SLF2: variants seen among roughly 807,000 people sequenced by gnomAD.
The protein encoded by SLF2 is SMC5-SMC6 complex localization factor protein 2.
SLF2 carries 68 observed loss-of-function variants against 124.3 expected under a neutral mutation model. The observed-to-expected ratio is 0.55, with a 90% CI of 0.45 to 0.67. SLF2 has a LOEUF of 0.67. Ranked by LOEUF, SLF2 falls within the 30% of genes least tolerant of loss-of-function variation. The pLI, the probability that SLF2 is intolerant of heterozygous loss-of-function variation, is 0.00. For synonymous variants in SLF2, 480 were observed against 478.8 expected, an observed-to-expected ratio of 1.00 and a Z score of -0.03; for missense variants, 1,246 against 1,373.7, an observed-to-expected ratio of 0.91 and a Z score of 1.47.
chr10:100,937,979 G>A (rs932389786), intron 10 of SLF2, among the ~76,000 whole-genome samples: 1 of 152,244 alleles, frequency 6.6e-6, no homozygotes, highest in Admixed American at 6.5e-5. Flanking sequence ...TACTTGCATT[G>A]AGAAAAAGAA....
rs1245644391 is a variant in SLF2 at position 100,945,406 on chromosome 10, T to C, written c.2834T>C (p.Phe945Ser). 6.2e-7 allele frequency: 1 copy of C among 1,603,580 alleles called. No homozygotes were observed. Among genetic ancestry groups the C allele is most frequent in the Non-Finnish European group, 8.5e-7 (1 of 1,177,766 alleles). ...REIMLLILMLFKMSLEKQLKQ... is the reference protein window; with the variant it reads ...REIMLLILMLSKMSLEKQLKQ... ...ATAATGTTGCTGATTTTAATGTTAT[T>C]TAAAATGAGTTTGGAAAAACAGCTG... The change falls in exon 13 of 20, where the codon TTT becomes TCT. Residue 945 changes from phenylalanine (F) to serine (S), a missense_variant. By Grantham distance (155) the Phe-to-Ser change is radical (BLOSUM62 -2). This residue lies in a region of SLF2 where 535 missense variants were observed against 632.8 expected (regional missense o/e 0.85). Transcript: ENST00000238961.
chr10:100,931,046 T>C lies in SLF2; in HGVS notation c.2404T>C (p.Cys802Arg). 6.2e-7 allele frequency: 1 copy of C among 1,614,018 alleles called. No homozygotes were observed. Residue 802 changes from cysteine to arginine, a missense_variant, in exon 9 of 20, where the codon TGT becomes CGT. By Grantham distance (180) the Cys-to-Arg change is radical. This residue lies in a region of SLF2 where 535 missense variants were observed against 632.8 expected (regional missense o/e 0.85). Coordinates refer to ENST00000238961, the MANE Select transcript of SLF2 (RefSeq NM_018121.4). ...TACGTCTGCTTATCACTATGTCCAG[T>C]GTCCTGTCCCTGTGTTAAAGTGGCT... ...FLTSAYHYVQCPVPVLKWLFR... is the reference protein window; with the variant it reads ...FLTSAYHYVQRPVPVLKWLFR...
chr10:100,924,486 T>C lies in SLF2; in HGVS notation c.1485T>C (p.Ala495=), dbSNP rs780041359. ...TACCATTAAATGCTAAAAATTGTGC[T>C]CTTCCAGTTTCTAAAAAAGATAAAG... ...SLVPLNAKNC[A]LPVSKKDKER... is the part of the protein sequence containing the mutation. Residue 495 remains alanine, a synonymous_variant, in exon 5 of 20, where the codon GCT becomes GCC. Transcript: ENST00000238961. The C allele has an allele frequency of 1.2e-6, 2 of 1,614,008 alleles. No homozygotes were observed. Among genetic ancestry groups the C allele is most frequent in the East Asian group, 4.5e-5 (2 of 44,896 alleles).
intron 15 of SLF2, among the ~76,000 whole-genome samples, chr10:100,948,949 T>C (rs111271579): frequency 1.1e-3 from 174 of 152,300 alleles, no homozygotes; most frequent in African/African-American, 3.5e-3. Flanking sequence ...TGCAATTTGG[T>C]ACAAGGTATG....
At position 100,924,937 on chromosome 10, in the gene SLF2, T is replaced by A. The variant is rs1849587294; in HGVS notation, c.1936T>A (p.Ser646Thr). 1 of 1,613,788 alleles carries A rather than the reference T, an allele frequency of 6.2e-7. No homozygotes were observed. Among genetic ancestry groups the A allele is most frequent in the African/African-American group, 1.3e-5 (1 of 74,930 alleles). ...AGCTACAGGAAAGCCTCCTGCTCTT[T>A]CCAAGGGGCTTAGATCTCAGTCATC... ...PAATGKPPALSKGLRSQSSDY... is the reference protein window; with the variant it reads ...PAATGKPPALTKGLRSQSSDY... Residue 646 changes from serine to threonine, a missense_variant, in exon 5 of 20, where the codon TCC (serine) becomes ACC (threonine). Physicochemically the swap from Ser to Thr is moderately conservative, Grantham distance 58. Coordinates refer to ENST00000238961, the MANE Select transcript of SLF2 (RefSeq NM_018121.4).
At chr10:100,937,049 C>T (rs1849877778) in intron 9 of SLF2, among the ~76,000 whole-genome samples, 1 of 151,914 alleles carries the variant, frequency 6.6e-6, no homozygotes, top group Admixed American at 6.6e-5. Context: ...ACATAAAATG[C>T]CTTTATTTTT....
In SLF2 at chr10:100,950,122, T is replaced by C; in HGVS notation, c.3167T>C (p.Leu1056Ser). The C allele has an allele frequency of 6.2e-7, 1 of 1,613,894 alleles. No homozygotes were observed. Among genetic ancestry groups the C allele is most frequent in the Non-Finnish European group, 8.5e-7 (1 of 1,179,904 alleles). ...RYLVQMKPSD[L>S]LKKMVLKKKA... ...CTTGTGCAGATGAAGCCTTCTGATT[T>C]GTTAAAGAAAATGGTCTTGAAGAAA... The change falls in exon 16 of 20, where the codon TTG becomes TCG. Residue 1056 changes from leucine (L) to serine (S), a missense_variant. Transcript: ENST00000238961.
In SLF2 at chr10:100,916,058, A is replaced by G; in HGVS notation, c.184+16A>G. 1 of 1,602,748 alleles carries G rather than the reference A, an allele frequency of 6.2e-7. No individual in the cohort carries two copies. Among genetic ancestry groups the G allele is most frequent in the Non-Finnish European group, 8.5e-7 (1 of 1,172,416 alleles). ...TCAAAACAAGGTATGTACACTGTTG[A>G]TGCATTTTTTGTGGGCTATTTTGGG... On this transcript the variant is annotated intron_variant, in intron 2 of 19. Coordinates refer to ENST00000238961, the MANE Select transcript of SLF2 (RefSeq NM_018121.4).
At position 100,932,720 on chromosome 10, in the gene SLF2, T is replaced by TGTGTGTGTGC. The variant is rs763852210; in HGVS notation, c.2436+1643_2436+1644insTGTGTGTGCG. On this transcript the variant is annotated intron_variant, in intron 9 of 19. Coordinates refer to ENST00000238961, the MANE Select transcript of SLF2 (RefSeq NM_018121.4). The stretch of plus-strand genomic sequence containing the variant: ...GTGTGTGTGTGTGTGTGTGTGTGTG[T>TGTGTGTGTGC]GCGCGCGCGCGCGCGCGCACATTTG... Among the ~76,000 whole-genome samples, 308 of 36,246 alleles carry TGTGTGTGTGC rather than the reference T, an allele frequency of 8.5e-3. 1 individual carries two copies. Among genetic ancestry groups the TGTGTGTGTGC allele is most frequent in the Admixed American group, 0.013 (42 of 3,114 alleles). 23.8% of individuals were successfully genotyped at this position (36,246 alleles called of 152,430 possible). A position where few individuals can be genotyped will look rare whatever the true frequency, so the allele number is the denominator to read the frequency against.
chr10:100,931,211 A>G (rs1281685813), intron 9 of SLF2, 133 bp downstream of exon 9: 18 of 674,098 alleles, frequency 2.7e-5, no homozygotes, highest in Non-Finnish European at 3.9e-5. Context: ...AGTGGCTTAG[A>G]ATGTAGCAAA....
chr10:100,932,674 T>C (rs996215064), intron 9 of SLF2, among the ~76,000 whole-genome samples: 1 of 150,710 alleles, frequency 6.6e-6, no homozygotes, highest in African/African-American at 2.4e-5. Context: ...CATGCTAATG[T>C]AGAGGAGACA....
chr10:100,952,212 C>T (rs1850229599), intron 17 of SLF2, among the ~76,000 whole-genome samples: 1 of 151,528 alleles, frequency 6.6e-6, no homozygotes. Flanking sequence ...CCATTGCACT[C>T]CAGCCTGGGC....
chr10:100,955,634 G>A (rs945389539), intron 17 of SLF2, among the ~76,000 whole-genome samples: 11 of 152,036 alleles, frequency 7.2e-5, no homozygotes, highest in Non-Finnish European at 1.5e-4. Context: ...TTGGCTGGGC[G>A]CGGTGGCTCA....
In SLF2 at chr10:100,923,152, A is replaced by G. The variant is rs1184924686; in HGVS notation, c.974-823A>G. On this transcript the variant is annotated intron_variant, in intron 4 of 19. Coordinates refer to ENST00000238961, the MANE Select transcript of SLF2 (RefSeq NM_018121.4). ...AGTACTTCTGGATGGGGCTATAATAAATATAGCTTATATTAGTTTCCTAGG... is the reference window on the plus strand; with the variant it reads ...AGTACTTCTGGATGGGGCTATAATAGATATAGCTTATATTAGTTTCCTAGG... Among the ~76,000 whole-genome samples the G allele has an allele frequency of 2.0e-5, 3 of 152,186 alleles. No homozygotes were observed. The South Asian group carries it at 6.2e-4, about 32-fold the overall frequency.
Position 100,953,556 on chromosome 10 carries a change from C to T in SLF2, c.3330+2803C>T, listed in dbSNP as rs961330588. On this transcript the variant is annotated intron_variant, in intron 17 of 19. Transcript: ENST00000238961. Reference sequence around the variant, plus strand: ...CAGTGCCCTCCTGTAAATTTCTTCACAATTTACTAATATATTACATATAAT... The same window carrying T: ...CAGTGCCCTCCTGTAAATTTCTTCATAATTTACTAATATATTACATATAAT... Among the ~76,000 whole-genome samples, 65 of 151,850 alleles carry T rather than the reference C, an allele frequency of 4.3e-4. 1 individual carries two copies. Among genetic ancestry groups the T allele is most frequent in the South Asian group, 6.2e-4 (3 of 4,822 alleles).
At chr10:100,937,097 A>G (rs575386272) in intron 9 of SLF2, among the ~76,000 whole-genome samples, 51 of 152,046 alleles carry the variant, frequency 3.4e-4, no homozygotes, top group Admixed American at 8.5e-4. Context: ...TTTTTGTGGT[A>G]CAATCATGGC....
intron 15 of SLF2, among the ~76,000 whole-genome samples, chr10:100,948,620 C>T (rs776090327): frequency 3.7e-4 from 57 of 152,280 alleles, no homozygotes; most frequent in Admixed American, 2.2e-3. Flanking sequence ...CAGTGGCTCA[C>T]GCCTGTAATC....
Position 100,950,151 on chromosome 10 carries a change from G to T in SLF2, c.3196G>T (p.Ala1066Ser), listed in dbSNP as rs772983466. Residue 1066 changes from alanine (A) to serine (S), a missense_variant, in exon 16 of 20, where the codon GCT (alanine) becomes TCT (serine). By Grantham distance (99) the Ala-to-Ser change is moderately conservative (BLOSUM62 1). This residue lies in a region of SLF2 where 535 missense variants were observed against 632.8 expected (regional missense o/e 0.85). Transcript: ENST00000238961. ...AAAGAAAATGGTCTTGAAGAAAAAG[G>T]CTGAACAACCAGATGGCATTATTGA... is the stretch of plus-strand genomic sequence containing the variant. ...LLKKMVLKKK[A>S]EQPDGIIDDS... 1.2e-5 allele frequency: 20 copies of T among 1,613,722 alleles called. No homozygotes were observed. In the South Asian group the frequency reaches 1.6e-4, roughly 13 times the overall value.
chr10:100,915,191 A>AT (rs1849391972), intron 1 of SLF2, among the ~76,000 whole-genome samples: 1 of 152,164 alleles, frequency 6.6e-6, no homozygotes, highest in Admixed American at 6.5e-5. Context: ...GGTTTTTGTT[A>AT]TTCTTGTTAA....
Sources: allele counts gnomAD v4.1 joint callset (sites outside exome capture counted in the v4.1 genomes callset), GRCh38; gene constraint gnomAD v4.1.1; regional missense constraint gnomAD v4.1.1; transcripts MANE v1.5; gene names NCBI Gene and HGNC (gene_info 2026-07-23, HGNC 2026-07-21).